The following ERC2 variants were observed in gnomAD, a reference collection of about 807,000 sequenced individuals.
The protein encoded by ERC2 is ERC protein 2.
In ERC2, 42 loss-of-function variants were observed where a neutral mutation model predicts 114.8. The observed-to-expected ratio is 0.37, with a 90% CI of 0.29 to 0.47. The LOEUF (loss-of-function observed/expected upper bound fraction) is 0.47. ERC2 is among the 20% of genes least tolerant of loss of function. The probability of loss-of-function intolerance (pLI) is 0.99; values close to 1 mark genes in which losing one functional copy is unlikely to be tolerated. For synonymous variants in ERC2, 454 were observed against 425.5 expected (o/e 1.07, Z -0.82); for missense variants, 939 against 1,150.7 (o/e 0.82, Z 2.66).
intron 14 of ERC2, among the ~76,000 whole-genome samples, chr3:55,778,655 A>G (rs1250509106): frequency 1.3e-5 from 2 of 152,250 alleles, no homozygotes; most frequent in Non-Finnish European, 2.9e-5. Flanking sequence ...TGCATCCACA[A>G]TATGACACAT....
chr3:56,466,681 T>C (rs1002143535), intron 1 of ERC2, among the ~76,000 whole-genome samples: 1 of 152,150 alleles, frequency 6.6e-6, no homozygotes, highest in Non-Finnish European at 1.5e-5. Context: ...CTGTCAGAAC[T>C]AAAAGAATCC....
At chr3:56,157,295 GAA>G (rs749216524) in intron 4 of ERC2, among the ~76,000 whole-genome samples, 10 of 152,106 alleles carry the variant, frequency 6.6e-5, no homozygotes, top group Non-Finnish European at 1.3e-4. Flanking sequence ...AAGGTCAAAA[GAA>G]AAAAGTAAAG....
At chr3:55,935,552 T>A (rs536329458) in intron 13 of ERC2, among the ~76,000 whole-genome samples, 12 of 152,284 alleles carry the variant, frequency 7.9e-5, no homozygotes, top group African/African-American at 2.9e-4. Flanking sequence ...TAAGTGCTAT[T>A]GGCCAAGATC....
intron 3 of ERC2, among the ~76,000 whole-genome samples, chr3:56,178,388 G>GTTCATGAA (rs1442140673): frequency 6.6e-6 from 1 of 152,084 alleles, no homozygotes; most frequent in Non-Finnish European, 1.5e-5. Flanking sequence ...ATTGTATTAT[G>GTTCATGAA]TTCATGAATT....
intron 1 of ERC2, among the ~76,000 whole-genome samples, chr3:56,457,981 A>G (rs1230270890): frequency 6.6e-6 from 1 of 152,158 alleles, no homozygotes; most frequent in Non-Finnish European, 1.5e-5. Flanking sequence ...TCCACTGGAT[A>G]CTACAATCCC....
Position 56,229,862 on chromosome 3 carries a change from C to CTTTTTTTTT in ERC2, c.1075-56351_1075-56343dup, listed in dbSNP as rs34357962. The stretch of plus-strand genomic sequence containing the variant: ...TTTTCTCCTTTGGCAAATATCTAGT[C>CTTTTTTTTT]TTTTTTTTTTTTTTTTTTTTTTTTT... On this transcript the variant is annotated intron_variant, in intron 3 of 17. Transcript: ENST00000288221. 1.9e-4 allele frequency among the ~76,000 whole-genome samples: 11 copies of CTTTTTTTTT among 56,632 alleles called. 3 individuals are homozygous for CTTTTTTTTT. Among genetic ancestry groups the CTTTTTTTTT allele is most frequent in the South Asian group, 1.6e-3 (2 of 1,218 alleles). The allele number at this position is 56,632 out of a possible 152,430, so 37.2% of individuals were successfully genotyped here. A position where few individuals can be genotyped will look rare whatever the true frequency, so the allele number is the denominator to read the frequency against.
At chr3:55,515,547 C>G (rs1012756182) in intron 17 of ERC2, among the ~76,000 whole-genome samples, 1 of 140,342 alleles carries the variant, frequency 7.1e-6, no homozygotes, top group Non-Finnish European at 1.6e-5. Flanking sequence ...AAATTTTCTC[C>G]TTCAGACTTT....
intron 7 of ERC2, among the ~76,000 whole-genome samples, chr3:56,032,961 GAAAGAAAGAA>G (rs2074509677): frequency 1.5e-5 from 1 of 67,030 alleles, no homozygotes; most frequent in African/African-American, 5.7e-5. Context: ...GAAAGAAACA[GAAAGAAAGAA>G]AGAAAGAGAA....
chr3:56,455,359 T>A (rs2063018206), intron 1 of ERC2, among the ~76,000 whole-genome samples: 1 of 152,190 alleles, frequency 6.6e-6, no homozygotes, highest in Non-Finnish European at 1.5e-5. Flanking sequence ...TTTTACACTA[T>A]CTCTACAATT....
chr3:56,087,507 CA>C (rs2077565945), intron 6 of ERC2, among the ~76,000 whole-genome samples: 1 of 151,950 alleles, frequency 6.6e-6, no homozygotes, highest in Non-Finnish European at 1.5e-5. Context: ...AATGTTGTGA[CA>C]AAACACTAAG....
At chr3:55,728,721 C>G (rs569950943) in intron 15 of ERC2, among the ~76,000 whole-genome samples, 1 of 152,180 alleles carries the variant, frequency 6.6e-6, no homozygotes, top group African/African-American at 2.4e-5. Context: ...ACAGGCAACC[C>G]CCAGTGCAGG....
At chr3:56,439,271 T>G (rs2107425273) in intron 1 of ERC2, among the ~76,000 whole-genome samples, 1 of 152,256 alleles carries the variant, frequency 6.6e-6, no homozygotes, top group Admixed American at 6.5e-5. Flanking sequence ...ATAGCAAGAC[T>G]CTGTCTCTAA....
intron 14 of ERC2, among the ~76,000 whole-genome samples, chr3:55,785,484 T>A (rs1442459025): frequency 6.6e-6 from 1 of 152,188 alleles, no homozygotes; most frequent in African/African-American, 2.4e-5. Flanking sequence ...GTGGTTATCA[T>A]GGTCCTTACT....
intron 2 of ERC2, among the ~76,000 whole-genome samples, chr3:56,415,934 G>A (rs1185476614): frequency 2.0e-5 from 3 of 152,168 alleles, no homozygotes; most frequent in Non-Finnish European, 4.4e-5. Context: ...GCACTCATGA[G>A]TCATAACAGC....
chr3:56,140,880 C>T (rs1193659253), intron 5 of ERC2, among the ~76,000 whole-genome samples: 1 of 152,024 alleles, frequency 6.6e-6, no homozygotes, highest in Non-Finnish European at 1.5e-5. Flanking sequence ...AAAAATTAGC[C>T]AGCTGTGGTG....
intron 14 of ERC2, among the ~76,000 whole-genome samples, chr3:55,765,400 A>G (rs975585603): frequency 2.0e-5 from 3 of 152,246 alleles, no homozygotes; most frequent in African/African-American, 7.2e-5. Context: ...ATGGCTCTGC[A>G]AAGGCTGATC....
At chr3:55,534,918 G>T (rs1292027312) in intron 17 of ERC2, among the ~76,000 whole-genome samples, 1 of 152,130 alleles carries the variant, frequency 6.6e-6, no homozygotes, top group Non-Finnish European at 1.5e-5. Flanking sequence ...TGAGCATCAT[G>T]GTCAATGGAA....
chr3:56,139,217 C>G (rs1164724780), intron 6 of ERC2, among the ~76,000 whole-genome samples: 1 of 152,224 alleles, frequency 6.6e-6, no homozygotes, highest in Non-Finnish European at 1.5e-5. Flanking sequence ...TTGACACAAA[C>G]TGACAAGAGT....
intron 13 of ERC2, among the ~76,000 whole-genome samples, chr3:55,895,157 C>G (rs2063783940): frequency 6.6e-6 from 1 of 152,230 alleles, no homozygotes; most frequent in Admixed American, 6.5e-5. Flanking sequence ...TTAGGCCAAT[C>G]TTAACCCAAT....
Sources: allele counts gnomAD v4.1 joint callset (sites outside exome capture counted in the v4.1 genomes callset), GRCh38; gene constraint gnomAD v4.1.1; transcripts MANE v1.5; gene names NCBI Gene and HGNC (gene_info 2026-07-23, HGNC 2026-07-21).